Variants in CNGB3 observed in about 807,000 individuals in gnomAD.
The protein encoded by CNGB3 is cyclic nucleotide-gated channel beta-3.
CNGB3 carries 86 observed loss-of-function variants against 92.8 expected under a neutral mutation model. That is an observed-to-expected ratio of 0.93 (90% CI 0.78 to 1.11). CNGB3 has a LOEUF of 1.11. Among genes scored for constraint, CNGB3 ranks in the 50% least tolerant of loss-of-function variants. CNGB3 has a pLI of 0.00. For synonymous variants in CNGB3, 333 were observed against 332.7 expected (o/e 1.00, Z -0.01); for missense variants, 1,026 against 956.8 (o/e 1.07, Z -0.95).
intron 3 of CNGB3, among the ~76,000 whole-genome samples, chr8:86,695,949 G>A (rs1824441951): frequency 6.6e-6 from 1 of 152,088 alleles, no homozygotes; most frequent in African/African-American, 2.4e-5. Flanking sequence ...GGGCTACTGG[G>A]TGCCAGGCTG....
chr8:86,731,331 C>T (rs529119200), intron 2 of CNGB3, among the ~76,000 whole-genome samples: 2 of 152,234 alleles, frequency 1.3e-5, no homozygotes, highest in South Asian at 2.1e-4. Context: ...AGGATCTTTG[C>T]ATGGGGTCAA....
intron 8 of CNGB3, among the ~76,000 whole-genome samples, chr8:86,645,498 C>CA (rs1011592197): frequency 2.0e-5 from 3 of 151,198 alleles, no homozygotes; most frequent in Non-Finnish European, 3.0e-5. Context: ...AGATGCCCCC[C>CA]AAAAGGGTTG....
At chr8:86,592,975 G>A (rs1266766378) in intron 15 of CNGB3, among the ~76,000 whole-genome samples, 3 of 152,154 alleles carry the variant, frequency 2.0e-5, no homozygotes, top group Non-Finnish European at 2.9e-5. Flanking sequence ...AAATATCAGA[G>A]GATGTTCTAA....
intron 6 of CNGB3, among the ~76,000 whole-genome samples, chr8:86,656,317 G>T (rs1330200801): frequency 1.3e-5 from 2 of 152,180 alleles, no homozygotes; most frequent in African/African-American, 4.8e-5. Context: ...CACTCAGGAA[G>T]AATGTTCTTA....
chr8:86,726,327 G>A (rs957904825), intron 3 of CNGB3, among the ~76,000 whole-genome samples: 1 of 152,148 alleles, frequency 6.6e-6, no homozygotes, highest in Admixed American at 6.5e-5. Flanking sequence ...TAGGGATATT[G>A]GTTAGTGGCC....
intron 10 of CNGB3, among the ~76,000 whole-genome samples, chr8:86,639,988 G>A (rs895718761): frequency 1.3e-5 from 2 of 152,030 alleles, no homozygotes; most frequent in African/African-American, 2.4e-5. Flanking sequence ...ATCACTTTTA[G>A]TAGTTTTTCT....
intron 3 of CNGB3, among the ~76,000 whole-genome samples, chr8:86,722,601 T>C (rs1273155942): frequency 6.6e-6 from 1 of 152,144 alleles, no homozygotes. Flanking sequence ...TTGGATGATA[T>C]TAACATTTGA....
rs1262347052 is a variant in CNGB3, at chr8:86,663,048, A to G, written c.852+3877T>C. 2.0e-5 allele frequency among the ~76,000 whole-genome samples: 3 copies of G among 152,228 alleles called. 1 individual carries two copies. The highest frequency in any genetic ancestry group is 4.4e-5 in the Non-Finnish European group (3 of 68,032). ...GACTGTTGGTTTCTACTACTTCATA[A>G]TTAGCCTAATCGATATTTAACACAA... is the stretch of plus-strand genomic sequence containing the variant. On this transcript the variant is annotated intron_variant, in intron 6 of 17. Coordinates refer to ENST00000320005, the MANE Select transcript of CNGB3 (RefSeq NM_019098.5).
intron 13 of CNGB3, among the ~76,000 whole-genome samples, chr8:86,621,408 A>T (rs1218644249): frequency 6.6e-6 from 1 of 152,208 alleles, no homozygotes; most frequent in Non-Finnish European, 1.5e-5. Context: ...AAAATTTTAT[A>T]ATACCTACTC....
chr8:86,639,467 T>C lies in CNGB3; in HGVS notation c.1178+4284A>G, dbSNP rs138062858. Among the ~76,000 whole-genome samples the C allele has an allele frequency of 2.2e-3, 341 of 152,232 alleles. 1 individual carries two copies. The highest frequency in any genetic ancestry group is 1.8e-3 in the Non-Finnish European group (121 of 67,982). ...CTGATGAGAATTAATGGAATCATAA[T>C]AAACTTGACTTATTTTAAATGTTCA... On this transcript the variant is annotated intron_variant, in intron 10 of 17. Coordinates refer to ENST00000320005, the MANE Select transcript of CNGB3 (RefSeq NM_019098.5).
intron 14 of CNGB3, among the ~76,000 whole-genome samples, chr8:86,608,771 C>A (rs915194524): frequency 1.3e-5 from 2 of 152,246 alleles, no homozygotes; most frequent in African/African-American, 4.8e-5. Context: ...GGAAGGGACC[C>A]CTGTCCAGTG....
Position 86,667,062 on chromosome 8 carries a change from G to A in CNGB3, c.715C>T (p.Arg239Cys), listed in dbSNP as rs200019416. 197 of 1,613,988 alleles carry A rather than the reference G, an allele frequency of 1.2e-4. 4 individuals carry two copies. The highest frequency in any genetic ancestry group is 1.2e-3 in the South Asian group (107 of 91,080). ...YNWNCCFIPL[R>C]LVFPYQTADN... ...GCGGTTTGATATGGGAAGACGAGGCGCAGTGGTATAAAACAGCAGTTCCAG... is the reference window on the plus strand; with the variant it reads ...GCGGTTTGATATGGGAAGACGAGGCACAGTGGTATAAAACAGCAGTTCCAG... The change falls in exon 6 of 18, where the codon CGC becomes TGC. Residue 239 changes from arginine (R) to cysteine (C), a missense_variant. By Grantham distance (180) the Arg-to-Cys change is radical (BLOSUM62 -3). Coordinates refer to ENST00000320005, the MANE Select transcript of CNGB3 (RefSeq NM_019098.5).
At chr8:86,578,980 A>C in intron 16 of CNGB3, 117 bp from the exon 17 acceptor site, 1 of 1,530,104 alleles carries the variant, frequency 6.5e-7, no homozygotes. Context: ...CTACATTAAT[A>C]GTTGTTCATT....
At chr8:86,711,318 A>T (rs1824746683) in intron 3 of CNGB3, among the ~76,000 whole-genome samples, 1 of 152,118 alleles carries the variant, frequency 6.6e-6, no homozygotes, top group African/African-American at 2.4e-5. Context: ...GAAATCTGAG[A>T]TTGTTCACTC....
At chr8:86,733,870 T>C (rs1354985612) in intron 2 of CNGB3, among the ~76,000 whole-genome samples, 1 of 152,198 alleles carries the variant, frequency 6.6e-6, no homozygotes, top group Non-Finnish European at 1.5e-5. Context: ...TATATTTTAA[T>C]TTATTTATGG....
chr8:86,656,726 C>T (rs147678796), intron 6 of CNGB3, among the ~76,000 whole-genome samples: 2 of 152,166 alleles, frequency 1.3e-5, no homozygotes, highest in African/African-American at 4.8e-5. Flanking sequence ...TGCTCCCACC[C>T]CCCCAACCAA....
At chr8:86,599,567 A>T (rs1386551903) in intron 15 of CNGB3, among the ~76,000 whole-genome samples, 1 of 152,168 alleles carries the variant, frequency 6.6e-6, no homozygotes, top group East Asian at 1.9e-4. Flanking sequence ...AGCAAGGAAC[A>T]TCCCTGAGAA....
intron 3 of CNGB3, among the ~76,000 whole-genome samples, chr8:86,680,959 A>G (rs1401690799): frequency 6.6e-6 from 1 of 152,090 alleles, no homozygotes; most frequent in African/African-American, 2.4e-5. Context: ...ACACTGATAA[A>G]ATGCTTCTAT....
At chr8:86,660,769 T>C (rs1454981519) in intron 6 of CNGB3, 2 of 521,912 alleles carry the variant, frequency 3.8e-6, no homozygotes, top group Non-Finnish European at 7.9e-6. Flanking sequence ...CTCAAACAAA[T>C]GGAGGATAAA....
Sources: gnomAD v4.1 joint callset for allele counts (sites outside exome capture counted in the v4.1 genomes callset) on GRCh38, gnomAD v4.1.1 for gene constraint, MANE v1.5 for transcripts, NCBI Gene and HGNC (gene_info 2026-07-23, HGNC 2026-07-21) for gene names.